Variants in ALPL observed in about 807,000 individuals in gnomAD.
The protein encoded by ALPL is alkaline phosphatase, biomineralization associated.
ALPL carries 42 observed loss-of-function variants against 51.3 expected under a neutral mutation model. The observed-to-expected ratio is 0.82, with a 90% CI of 0.64 to 1.06. ALPL has a LOEUF of 1.06. Among genes scored for constraint, ALPL ranks in the 50% least tolerant of loss-of-function variants. The pLI, the probability that ALPL is intolerant of heterozygous loss-of-function variation, is 0.00. For synonymous variants in ALPL, 279 were observed against 296.4 expected (o/e 0.94, Z 0.60); for missense variants, 589 against 709.4 (o/e 0.83, Z 1.93).
chr1:21,524,112 T>C (rs1255327282), intron 1 of ALPL, among the ~76,000 whole-genome samples: 1 of 149,610 alleles, frequency 6.7e-6, no homozygotes, highest in Non-Finnish European at 1.5e-5. Flanking sequence ...CAAGCAATTC[T>C]CCTGCCTCAG....
At chr1:21,538,298 C>T (rs1325553308) in intron 1 of ALPL, among the ~76,000 whole-genome samples, 1 of 152,150 alleles carries the variant, frequency 6.6e-6, no homozygotes, top group East Asian at 1.9e-4. Context: ...GGGCTCTCGG[C>T]GTCAGCCCTG....
Position 21,554,106 on chromosome 1 carries a change from G to T in ALPL, c.25G>T (p.Ala9Ser), listed in dbSNP as rs759760207. The T allele has an allele frequency of 2.5e-6, 4 of 1,613,712 alleles. No individual in the cohort carries two copies. In the East Asian group the frequency reaches 8.9e-5, roughly 36 times the overall value. Residue 9 changes from alanine (A) to serine (S), a missense_variant, in exon 2 of 12, where the codon GCC (alanine) becomes TCC (serine). By Grantham distance (99) the Ala-to-Ser change is moderately conservative. Coordinates refer to ENST00000374840, the MANE Select transcript of ALPL (RefSeq NM_000478.6). MISPFLVLAIGTCLTNSLV... is the reference protein window; with the variant it reads MISPFLVLSIGTCLTNSLV... ...CATGATTTCACCATTCTTAGTACTG[G>T]CCATTGGCACCTGCCTTACTAACTC...
At chr1:21,537,386 C>A (rs1644122809) in intron 1 of ALPL, among the ~76,000 whole-genome samples, 1 of 152,172 alleles carries the variant, frequency 6.6e-6, no homozygotes, top group Admixed American at 6.5e-5. Flanking sequence ...AGGGAGAGGC[C>A]AACGTGACTG....
intron 1 of ALPL, among the ~76,000 whole-genome samples, chr1:21,512,682 C>T (rs1018135549): frequency 6.6e-6 from 1 of 152,172 alleles, no homozygotes; most frequent in Non-Finnish European, 1.5e-5. Context: ...TGCTCAGTGT[C>T]TGAAGAACAT....
In ALPL at chr1:21,573,956, A is replaced by G. The variant is rs1037271985; in HGVS notation, c.997+157A>G. Reference sequence around the variant, plus strand: ...TGTGGAAGGAGACGGGTGGCACTGTAGACACTCCCAGCCCAGCAAGCTGCT... The same window carrying G: ...TGTGGAAGGAGACGGGTGGCACTGTGGACACTCCCAGCCCAGCAAGCTGCT... On this transcript the variant is annotated intron_variant, in intron 9 of 11. Transcript: ENST00000374840. 12 of 984,796 alleles carry G rather than the reference A, an allele frequency of 1.2e-5. No homozygotes were observed. The African/African-American group carries it at 2.1e-4, about 17-fold the overall frequency. 61.0% of individuals were successfully genotyped at this position (984,796 alleles called of 1,614,324 possible). A position where few individuals can be genotyped will look rare whatever the true frequency, so the allele number is the denominator to read the frequency against.
At chr1:21,528,639 C>T (rs1006140283) in intron 1 of ALPL, among the ~76,000 whole-genome samples, 9 of 151,814 alleles carry the variant, frequency 5.9e-5, no homozygotes, top group Non-Finnish European at 2.9e-5. Context: ...CGTGAGCCTC[C>T]GCTCCCGGCC....
At chr1:21,544,425 C>A (rs1162355534) in intron 1 of ALPL, among the ~76,000 whole-genome samples, 3 of 152,144 alleles carry the variant, frequency 2.0e-5, no homozygotes, top group African/African-American at 4.8e-5. Context: ...AAGTGAGAAC[C>A]TGACCAAAAA....
chr1:21,554,448 A>T (rs975038026), intron 2 of ALPL, among the ~76,000 whole-genome samples: 5 of 146,866 alleles, frequency 3.4e-5, no homozygotes, highest in East Asian at 3.9e-4. Flanking sequence ...TCATATATAT[A>T]TTTTTCCATA....
intron 1 of ALPL, among the ~76,000 whole-genome samples, chr1:21,518,734 G>A (rs1434400398): frequency 6.6e-6 from 1 of 152,142 alleles, no homozygotes; most frequent in African/African-American, 2.4e-5. Context: ...GGTTTGGGGA[G>A]AGGGCTCCGT....
intron 1 of ALPL, among the ~76,000 whole-genome samples, chr1:21,526,983 CTAATTCT>C (rs1643952686): frequency 6.8e-6 from 1 of 146,368 alleles, no homozygotes; most frequent in South Asian, 2.1e-4. Flanking sequence ...AAAAAATTGT[CTAATTCT>C]GAGTTACAGA....
chr1:21,537,016 C>G (rs1196362002), intron 1 of ALPL, among the ~76,000 whole-genome samples: 2 of 151,284 alleles, frequency 1.3e-5, no homozygotes, highest in Non-Finnish European at 2.9e-5. Context: ...CCTGCCTTAG[C>G]CTCCTGAGTA....
intron 1 of ALPL, among the ~76,000 whole-genome samples, chr1:21,535,470 A>C (rs1421015626): frequency 6.6e-6 from 1 of 152,150 alleles, no homozygotes. Context: ...TCACCAGCCG[A>C]ACGTGGTGCT....
chr1:21,533,400 G>A (rs1010988783), intron 1 of ALPL, among the ~76,000 whole-genome samples: 5 of 152,222 alleles, frequency 3.3e-5, no homozygotes, highest in Admixed American at 3.3e-4. Context: ...ATTATCTGCC[G>A]GGCTCTGCTT....
chr1:21,541,147 C>T (rs942763150), intron 1 of ALPL, among the ~76,000 whole-genome samples: 5 of 152,104 alleles, frequency 3.3e-5, no homozygotes, highest in East Asian at 3.9e-4. Flanking sequence ...AGGGTCCATC[C>T]GTTCTCTGCT....
intron 1 of ALPL, among the ~76,000 whole-genome samples, chr1:21,552,741 A>G (rs538935825): frequency 7.8e-4 from 119 of 152,256 alleles, no homozygotes; most frequent in African/African-American, 2.7e-3. Context: ...ACTTTTAAAA[A>G]ATGTTTTATT....
Position 21,554,141 on chromosome 1 carries a change from A to C in ALPL, c.60A>C (p.Pro20=), listed in dbSNP as rs925035427. The C allele has an allele frequency of 6.2e-7, 1 of 1,613,278 alleles. No homozygotes were observed. The highest frequency in any genetic ancestry group is 8.5e-7 in the Non-Finnish European group (1 of 1,179,664). Reference sequence around the variant, plus strand: ...CCTGCCTTACTAACTCCTTAGTGCCAGGTATGCTTGGGGACACAGGTGGAG... The same window carrying C: ...CCTGCCTTACTAACTCCTTAGTGCCCGGTATGCTTGGGGACACAGGTGGAG... ...IGTCLTNSLV[P]EKEKDPKYWR... Residue 20 remains proline, a splice_region_variant and synonymous_variant, in exon 2 of 12, where the codon CCA becomes CCC. Coordinates refer to ENST00000374840, the MANE Select transcript of ALPL (RefSeq NM_000478.6).
chr1:21,568,349 T>G, intron 7 of ALPL, 102 bp downstream of exon 7: 1 of 1,522,392 alleles, frequency 6.6e-7, no homozygotes, highest in Non-Finnish European at 9.0e-7. Context: ...AGAAAGGGCA[T>G]CGGAAATCTT....
chr1:21,554,113 G>A lies in ALPL; in HGVS notation c.32G>A (p.Gly11Asp), dbSNP rs1287863636. MISPFLVLAI[G>D]TCLTNSLVPE... ...TCACCATTCTTAGTACTGGCCATTG[G>A]CACCTGCCTTACTAACTCCTTAGTG... Residue 11 changes from glycine to aspartate, a missense_variant, in exon 2 of 12, where the codon GGC (glycine) becomes GAC (aspartate). Coordinates refer to ENST00000374840, the MANE Select transcript of ALPL (RefSeq NM_000478.6). 1 of 1,613,490 alleles carries A rather than the reference G, an allele frequency of 6.2e-7. No individual in the cohort carries two copies. Among genetic ancestry groups the A allele is most frequent in the Non-Finnish European group, 8.5e-7 (1 of 1,179,774 alleles).
intron 1 of ALPL, among the ~76,000 whole-genome samples, chr1:21,545,649 G>C (rs1463912319): frequency 3.9e-5 from 6 of 152,046 alleles, no homozygotes; most frequent in Non-Finnish European, 5.9e-5. Flanking sequence ...GTGTTCAAAT[G>C]ACAAGTGCTA....
Sources: allele counts gnomAD v4.1 joint callset (sites outside exome capture counted in the v4.1 genomes callset), GRCh38; gene constraint gnomAD v4.1.1; transcripts MANE v1.5; gene names NCBI Gene and HGNC (gene_info 2026-07-23, HGNC 2026-07-21).